CD163L1: variants seen among roughly 807,000 people sequenced by gnomAD.
CD163L1 encodes the protein scavenger receptor cysteine-rich type 1 protein M160.
A neutral mutation model predicts 165.4 loss-of-function variants in CD163L1; 124 were observed. The observed-to-expected ratio is 0.75, with a 90% CI of 0.65 to 0.87. CD163L1 has a LOEUF of 0.87. Ranked by LOEUF, CD163L1 falls within the 40% of genes least tolerant of loss-of-function variation. The pLI, the probability that CD163L1 is intolerant of heterozygous loss-of-function variation, is 0.00. For synonymous variants in CD163L1, 585 were observed against 662.2 expected (o/e 0.88, Z 1.79); for missense variants, 1,525 against 1,799.9 (o/e 0.85, Z 2.76).
downstream of CD163L1, among the ~76,000 whole-genome samples, chr12:7,343,980 T>C (rs1295970024): frequency 6.6e-6 from 1 of 152,116 alleles, no homozygotes; most frequent in East Asian, 1.9e-4. Flanking sequence ...GGGTACACAG[T>C]GGGTAAACAT....
In CD163L1 at chr12:7,347,732, C is replaced by T. The variant is rs1946680025; in HGVS notation, c.*25-585G>A. 6.6e-6 allele frequency among the ~76,000 whole-genome samples: 1 copy of T among 151,748 alleles called. No homozygotes were observed. The highest frequency in any genetic ancestry group is 1.5e-5 in the Non-Finnish European group (1 of 67,970). ...TGCAGTGAACCAAGTTCACGCGCCACTGCACTCCAGCCTGGGTGACAGAGC... is the reference window on the plus strand; with the variant it reads ...TGCAGTGAACCAAGTTCACGCGCCATTGCACTCCAGCCTGGGTGACAGAGC... On this transcript the variant is annotated intron_variant, in intron 4 of 4. Transcript: ENST00000539726. The surrounding 1 kb of genome is among the most constrained non-coding windows in gnomAD (Gnocchi z 4.2).
chr12:7,423,333 C>T (rs974781930), intron 4 of CD163L1, among the ~76,000 whole-genome samples: 1 of 151,956 alleles, frequency 6.6e-6, no homozygotes, highest in East Asian at 1.9e-4. Context: ...TAACACAGTG[C>T]TAAGAGGGAA....
intron 9 of CD163L1, among the ~76,000 whole-genome samples, chr12:7,376,620 T>A (rs1163872845): frequency 6.6e-6 from 1 of 152,208 alleles, no homozygotes. Context: ...AACATCTATC[T>A]AAGGCTGCAG....
At chr12:7,350,951 C>T (rs1208677074), downstream of CD163L1, among the ~76,000 whole-genome samples, 1 of 152,034 alleles carries the variant, frequency 6.6e-6, no homozygotes, top group African/African-American at 2.4e-5. Flanking sequence ...TAACCTAGTA[C>T]AATTATCAAA....
At chr12:7,356,509 G>A (rs1470108205) in intron 19 of CD163L1, among the ~76,000 whole-genome samples, 1 of 152,050 alleles carries the variant, frequency 6.6e-6, no homozygotes, top group African/African-American at 2.4e-5. Flanking sequence ...AAAATCAGGA[G>A]ATATGACTTA....
At chr12:7,393,573 G>A (rs183762962) in intron 8 of CD163L1, among the ~76,000 whole-genome samples, 2 of 152,114 alleles carry the variant, frequency 1.3e-5, no homozygotes, top group Non-Finnish European at 2.9e-5. Flanking sequence ...TTCTGGCCAG[G>A]GCAATCAGGC....
intron 2 of CD163L1, among the ~76,000 whole-genome samples, chr12:7,437,982 C>T (rs950709311): frequency 6.6e-6 from 1 of 151,626 alleles, no homozygotes; most frequent in Non-Finnish European, 1.5e-5. Context: ...CATGTTCCCC[C>T]TTCTGGTCCT....
Position 7,369,093 on chromosome 12 carries a change from T to A in CD163L1, c.4040-128A>T. The A allele has an allele frequency of 9.0e-7, 1 of 1,115,280 alleles. No homozygotes were observed. The highest frequency in any genetic ancestry group is 2.0e-5 in the Admixed American group (1 of 49,368). The allele number at this position is 1,115,280 out of a possible 1,614,324, so 69.1% of individuals were successfully genotyped here. ...TAACATCTCCTGTGAATACTGGATG[T>A]CATTTAAAATATCAGTCAGAATCCT... On this transcript the variant is annotated intron_variant, in intron 15 of 19. Transcript: ENST00000313599. The surrounding 1 kb of genome is among the most constrained non-coding windows in gnomAD (Gnocchi z 4.9).
rs2055682128 is a variant in CD163L1, at chr12:7,368,832, G to A, written c.4072+101C>T. 2 of 1,308,060 alleles carry A rather than the reference G, an allele frequency of 1.5e-6. No individual in the cohort carries two copies. Among genetic ancestry groups the A allele is most frequent in the Admixed American group, 1.7e-5 (1 of 58,196 alleles). 81.0% of individuals were successfully genotyped at this position (1,308,060 alleles called of 1,614,324 possible). On this transcript the variant is annotated intron_variant, in intron 16 of 19. Coordinates refer to ENST00000313599, the MANE Select transcript of CD163L1 (RefSeq NM_174941.6). The surrounding 1 kb of genome is among the most constrained non-coding windows in gnomAD (Gnocchi z 4.3). ...CGACCCACAGACTCATATTTCTGCA[G>A]TCCCCAGTCTTCTTTGATTATCATA...
At chr12:7,345,314 C>T (rs923847063), downstream of CD163L1, among the ~76,000 whole-genome samples, 2 of 152,152 alleles carry the variant, frequency 1.3e-5, no homozygotes, top group African/African-American at 2.4e-5. Flanking sequence ...AAATTTCTTC[C>T]ACCAGATGCC....
At chr12:7,352,709 A>G (rs1946715811), downstream of CD163L1, among the ~76,000 whole-genome samples, 2 of 152,142 alleles carry the variant, frequency 1.3e-5, no homozygotes, top group East Asian at 3.9e-4. Context: ...AATAAAAACA[A>G]GAATAAAAAA....
chr12:7,416,965 G>C (rs1948254803), intron 4 of CD163L1, among the ~76,000 whole-genome samples: 1 of 152,158 alleles, frequency 6.6e-6, no homozygotes, highest in African/African-American at 2.4e-5. Context: ...AAAGGCAATG[G>C]TAGCTTGATG....
Position 7,347,729 on chromosome 12 carries a change from C to T in CD163L1, c.*25-582G>A, listed in dbSNP as rs1232861928. 6.6e-6 allele frequency among the ~76,000 whole-genome samples: 1 copy of T among 151,826 alleles called. No homozygotes were observed. The highest frequency in any genetic ancestry group is 1.5e-5 in the Non-Finnish European group (1 of 67,956). ...GCTTGCAGTGAACCAAGTTCACGCG[C>T]CACTGCACTCCAGCCTGGGTGACAG... On this transcript the variant is annotated intron_variant, in intron 4 of 4. Coordinates refer to the CD163L1 transcript ENST00000539726. This position sits in a 1 kb window ranked among gnomAD's most constrained non-coding sequence, Gnocchi z 4.2.
In CD163L1 at chr12:7,375,504, G is replaced by A; in HGVS notation, c.2778C>T (p.Asp926=). The change falls in exon 11 of 20, where the codon GAC becomes GAT. Residue 926 remains aspartate, a synonymous_variant. Coordinates refer to ENST00000313599, the MANE Select transcript of CD163L1 (RefSeq NM_174941.6). ...NVLGHWGSLC[D]THWDPEDARV... The stretch of plus-strand genomic sequence containing the variant: ...GGGCATCTTCTGGGTCCCAGTGGGT[G>A]TCACACAGTGAGCCCCAGTGTCCAA... 1.2e-6 allele frequency: 2 copies of A among 1,614,092 alleles called. No individual in the cohort carries two copies. Among genetic ancestry groups the A allele is most frequent in the Non-Finnish European group, 1.7e-6 (2 of 1,180,012 alleles).
At chr12:7,437,773 G>T (rs1465070485) in intron 2 of CD163L1, among the ~76,000 whole-genome samples, 1 of 148,344 alleles carries the variant, frequency 6.7e-6, no homozygotes, top group Admixed American at 6.9e-5. Flanking sequence ...CATGATCAAT[G>T]ATCATTAAAT....
At chr12:7,326,771 C>T in the CD163L1 span, among the ~76,000 whole-genome samples, 44 of 152,182 alleles carry the variant, frequency 2.9e-4, no homozygotes, top group Non-Finnish European at 5.1e-4. Context: ...ACTCCTCACA[C>T]TCATAAACCA....
At chr12:7,439,585 T>C (rs1313903868) in intron 2 of CD163L1, 13 of 1,590,396 alleles carry the variant, frequency 8.2e-6, no homozygotes, top group Admixed American at 1.7e-5. Flanking sequence ...GCTATCAGAG[T>C]TCGCCTCAAA....
At chr12:7,322,579 G>A in the CD163L1 span, 1 of 1,570,546 alleles carries the variant, frequency 6.4e-7, no homozygotes, top group Non-Finnish European at 8.6e-7. Context: ...TATATGTGGG[G>A]GCCTTTCTGC....
intron 2 of CD163L1, among the ~76,000 whole-genome samples, chr12:7,435,107 T>C (rs925383482): frequency 6.6e-6 from 1 of 152,112 alleles, no homozygotes; most frequent in Non-Finnish European, 1.5e-5. Context: ...CACACAGAGA[T>C]ATATTCTAAT....
Sources: allele counts gnomAD v4.1 joint callset (sites outside exome capture counted in the v4.1 genomes callset), GRCh38; gene constraint gnomAD v4.1.1; non-coding constraint Gnocchi (gnomAD v3.1); transcripts MANE v1.5; gene names NCBI Gene and HGNC (gene_info 2026-07-23, HGNC 2026-07-21).